The following MVD variants were observed in gnomAD, a reference collection of about 807,000 sequenced individuals.
MVD encodes the protein mevalonate diphosphate decarboxylase, also known as diphosphomevalonate decarboxylase.
A neutral mutation model predicts 42.4 loss-of-function variants in MVD; 52 were observed. The ratio of observed to expected loss-of-function variants is 1.23; its 90% CI spans 0.98 to 1.55. The LOEUF (loss-of-function observed/expected upper bound fraction) is 1.55, where lower values mean the gene tolerates loss of function less well. MVD is among the 40% of genes most tolerant of loss of function. The pLI is 0.00. For missense variants in MVD, 663 were observed against 572.1 expected, an observed-to-expected ratio of 1.16 and a Z score of -1.62; for synonymous variants, 287 against 243.2, an observed-to-expected ratio of 1.18 and a Z score of -1.68.
Position 88,653,416 on chromosome 16 carries a change from A to C in MVD, c.1014-8T>G, listed in dbSNP as rs79325107. The stretch of plus-strand genomic sequence containing the variant: ...TGCAGCCCCTTCAGAAACCTGGAAA[A>C]GCAGGGCAGGGGCACGGTGAATGCA... On this transcript the variant is annotated splice_region_variant and splice_polypyrimidine_tract_variant and intron_variant, in intron 8 of 9. Coordinates refer to ENST00000301012, the MANE Select transcript of MVD (RefSeq NM_002461.3). The C allele has an allele frequency of 4.9e-3, 7,894 of 1,604,766 alleles. 347 individuals carry two copies. In the African/African-American group the frequency reaches 0.094, roughly 19 times the overall value.
chr16:88,655,585 C>A lies in MVD; in HGVS notation c.678+71G>T, dbSNP rs539535437. 3.4e-5 allele frequency: 52 copies of A among 1,532,298 alleles called. No homozygotes were observed. In the South Asian group the frequency reaches 5.1e-4, roughly 15 times the overall value. The allele number at this position is 1,532,298 out of a possible 1,614,324, so 94.9% of individuals were successfully genotyped here. A position where few individuals can be genotyped will look rare whatever the true frequency, so the allele number is the denominator to read the frequency against. On this transcript the variant is annotated intron_variant, in intron 6 of 9. Transcript: ENST00000301012. ...AGGTGTGAGAACACTCGGGCCCAGA[C>A]AGAGGCTGAGGGCAGAGCCGGGCAC...
At chr16:88,653,198 G>C (rs577206497) in intron 9 of MVD, 102 bp downstream of exon 9, 12 of 859,156 alleles carry the variant, frequency 1.4e-5, no homozygotes, top group African/African-American at 1.2e-4. Context: ...AGACACGGTA[G>C]GGACAGGGAG....
intron 7 of MVD, 123 bp downstream of exon 7, chr16:88,655,076 C>A: frequency 6.6e-6 from 8 of 1,211,792 alleles, no homozygotes; most frequent in Non-Finnish European, 9.3e-6. Flanking sequence ...TCGCACACAG[C>A]AGGGTGGAGC....
At chr16:88,662,085 C>T (rs1198032499) in intron 1 of MVD, 1 of 152,044 alleles carries the variant, frequency 6.6e-6, no homozygotes. Flanking sequence ...TGTATGTTCA[C>T]ACAAAAACCT....
intron 9 of MVD, 38 bp downstream of exon 9, chr16:88,653,259 GAAA>G: frequency 6.5e-7 from 1 of 1,538,384 alleles, no homozygotes; most frequent in Non-Finnish European, 8.8e-7. Flanking sequence ...CCCCTGGCAG[GAAA>G]GGAAACCCCG....
At position 88,663,055 on chromosome 16, in the gene MVD, G is replaced by A. The variant is rs142431370; in HGVS notation, c.26C>T (p.Ala9Val). 2.9e-4 allele frequency: 475 copies of A among 1,610,280 alleles called. No individual in the cohort carries two copies. The highest frequency in any genetic ancestry group is 4.2e-4 in the South Asian group (38 of 90,704). The change falls in exon 1 of 10, where the codon GCA (alanine) becomes GTA (valine). Residue 9 changes from alanine (A) to valine (V), a missense_variant. Physicochemically the swap from Ala to Val is moderately conservative, Grantham distance 64 (BLOSUM62 0). Transcript: ENST00000301012. Reference protein sequence around the residue: MASEKPLAAVTCTAPVNIA... With the variant: MASEKPLAVVTCTAPVNIA... ...GTTGACCGGCGCTGTACAAGTGACT[G>A]CCGCCAGCGGCTTCTCCGAGGCCAT...
chr16:88,652,355 A>G lies in MVD; in HGVS notation c.*170T>C. On this transcript the variant is annotated 3_prime_UTR_variant, in exon 10 of 10. Coordinates refer to ENST00000301012, the MANE Select transcript of MVD (RefSeq NM_002461.3). ...GCACTCGGCGGGGACCTCTCCTGAC[A>G]CCTGGGCGGCCGCAGGACTCCCTGC... 9 of 717,246 alleles carry G rather than the reference A, an allele frequency of 1.3e-5. No homozygotes were observed. In the South Asian group the frequency reaches 1.3e-4, roughly 10 times the overall value. The allele number at this position is 717,246 out of a possible 1,614,324, so 44.4% of individuals were successfully genotyped here. A position where few individuals can be genotyped will look rare whatever the true frequency, so the allele number is the denominator to read the frequency against.
At chr16:88,662,695 C>T (rs1908385835) in intron 1 of MVD, 1 of 1,368,298 alleles carries the variant, frequency 7.3e-7, no homozygotes, top group Non-Finnish European at 9.5e-7. Context: ...ACGCGCACCA[C>T]CACGGCGGAT....
rs756895566 is a variant in MVD at position 88,656,212 on chromosome 16, C to T, written c.496G>A (p.Gly166Ser). ...SGSACRSLYG[G>S]FVEWQMGEQA... is the part of the protein sequence containing the mutation. ...TCTCCCATCTGCCACTCCACAAAGCCCCCATACAGGCTCCGGCAGGCGCTG... is the reference window on the plus strand; with the variant it reads ...TCTCCCATCTGCCACTCCACAAAGCTCCCATACAGGCTCCGGCAGGCGCTG... The change falls in exon 5 of 10, where the codon GGC (glycine) becomes AGC (serine). Residue 166 changes from glycine (G) to serine (S), a missense_variant. Physicochemically the swap from Gly to Ser is moderately conservative, Grantham distance 56. Transcript: ENST00000301012. 8 of 1,601,350 alleles carry T rather than the reference C, an allele frequency of 5.0e-6. No homozygotes were observed. In the East Asian group the frequency reaches 1.6e-4, roughly 31 times the overall value.
At chr16:88,654,642 G>C in intron 8 of MVD, 50 bp downstream of exon 8, 1 of 1,551,670 alleles carries the variant, frequency 6.4e-7, no homozygotes, top group South Asian at 1.2e-5. Flanking sequence ...TCCGACCAGA[G>C]TTCCTGGCAC....
At chr16:88,658,234 C>A (rs887488599) in intron 2 of MVD, among the ~76,000 whole-genome samples, 5 of 152,136 alleles carry the variant, frequency 3.3e-5, no homozygotes, top group African/African-American at 1.2e-4. Flanking sequence ...GTGGAGCAAC[C>A]AGGCCTTATC....
In MVD at chr16:88,659,504, A is replaced by C. The variant is rs142341143; in HGVS notation, c.71-784T>G. Among the ~76,000 whole-genome samples the C allele has an allele frequency of 5.1e-3, 777 of 152,318 alleles. 2 individuals are homozygous for C. Among genetic ancestry groups the C allele is most frequent in the Middle Eastern group, 0.014 (4 of 294 alleles). The stretch of plus-strand genomic sequence containing the variant: ...ACTGGGGACAACTGAGACCCTGGAC[A>C]TCACAGGTGAGACTCTCACGGGTGA... On this transcript the variant is annotated intron_variant, in intron 1 of 9. Transcript: ENST00000301012.
At chr16:88,659,881 C>T (rs780176623) in intron 1 of MVD, among the ~76,000 whole-genome samples, 2 of 151,590 alleles carry the variant, frequency 1.3e-5, no homozygotes, top group South Asian at 2.1e-4. Context: ...GCGGGAAAAT[C>T]GCTTGAACCT....
At position 88,663,083 on chromosome 16, in the gene MVD, T is replaced by A. The variant is rs1908420772; in HGVS notation, c.-3A>T. On this transcript the variant is annotated 5_prime_UTR_variant, in exon 1 of 10. Transcript: ENST00000301012. Reference sequence around the variant, plus strand: ...GCCAGCGGCTTCTCCGAGGCCATGGTCCCACCGCGCAGTGACCCCAGCTCC... The same window carrying A: ...GCCAGCGGCTTCTCCGAGGCCATGGACCCACCGCGCAGTGACCCCAGCTCC... 1.9e-6 allele frequency: 3 copies of A among 1,608,686 alleles called. No individual in the cohort carries two copies. Among genetic ancestry groups the A allele is most frequent in the African/African-American group, 1.3e-5 (1 of 74,644 alleles).
chr16:88,652,252 C>CA lies in MVD; in HGVS notation c.*272dup. The CA allele has an allele frequency of 1.7e-6, 1 of 574,338 alleles. No homozygotes were observed. Among genetic ancestry groups the CA allele is most frequent in the African/African-American group, 1.9e-5 (1 of 53,366 alleles). The allele number at this position is 574,338 out of a possible 1,614,324, so 35.6% of individuals were successfully genotyped here. ...GTGAGAAAGCCCTTCAGCCCTGCTG[C>CA]ACCGAGGCTCTGCCAGTTCTCATAC... On this transcript the variant is annotated 3_prime_UTR_variant, in exon 10 of 10. Transcript: ENST00000301012.
intron 9 of MVD, among the ~76,000 whole-genome samples, chr16:88,652,901 C>T (rs1907664624): frequency 6.6e-6 from 1 of 152,146 alleles, no homozygotes; most frequent in African/African-American, 2.4e-5. Flanking sequence ...ATGGCTTGGG[C>T]GGCCGTGATC....
chr16:88,656,336 A>T, intron 4 of MVD, 32 bp from the exon 5 acceptor site: 1 of 1,596,440 alleles, frequency 6.3e-7, no homozygotes, highest in Non-Finnish European at 8.5e-7. Flanking sequence ...GAGGGTCCTC[A>T]GAGCTGCCTG....
intron 9 of MVD, 151 bp from the exon 10 acceptor site, chr16:88,652,756 C>A: frequency 1.4e-6 from 1 of 727,670 alleles, no homozygotes; most frequent in South Asian, 1.9e-5. Context: ...GTGGTGACAC[C>A]CACACGCAGC....
In MVD at chr16:88,657,974, CA is replaced by C; in HGVS notation, c.196del (p.Trp66GlyfsTer2). 2 of 1,614,028 alleles carry C rather than the reference CA, an allele frequency of 1.2e-6. No homozygotes were observed. Among genetic ancestry groups the C allele is most frequent in the Non-Finnish European group, 1.7e-6 (2 of 1,180,032 alleles). On this transcript the variant is annotated frameshift_variant, in exon 3 of 10. Coordinates refer to ENST00000301012, the MANE Select transcript of MVD (RefSeq NM_002461.3). LOFTEE classifies it high-confidence loss of function. Reference protein sequence around the residue: ...ISKDFTEDRIWLNGREEDVGQ... With the variant: ...ISKDFTEDRIXLNGREEDVGQ... ...CACATCCTCCTCCCGGCCATTCAGC[CA>C]AATCCGGTCCTCGGTGAAGTCCTTG...
Sources: allele counts gnomAD v4.1 joint callset (sites outside exome capture counted in the v4.1 genomes callset), GRCh38; gene constraint gnomAD v4.1.1; transcripts MANE v1.5; gene names NCBI Gene and HGNC (gene_info 2026-07-23, HGNC 2026-07-21).